SYF2: variants seen among roughly 807,000 people sequenced by gnomAD.
The protein encoded by SYF2 is pre-mRNA-splicing factor SYF2.
Under a neutral mutation model 32.7 loss-of-function variants are expected in SYF2, and 21 were observed. That is an observed-to-expected ratio of 0.64 (90% CI 0.45 to 0.92). SYF2 has a LOEUF of 0.92. Ranked by LOEUF, SYF2 falls within the 40% of genes least tolerant of loss-of-function variation. SYF2 has a pLI of 0.00. For synonymous variants in SYF2, 114 were observed against 103.9 expected, an observed-to-expected ratio of 1.10 and a Z score of -0.59; for missense variants, 278 against 296.5, an observed-to-expected ratio of 0.94 and a Z score of 0.46.
chr1:25,229,550 G>A (rs1403466326), intron 2 of SYF2, among the ~76,000 whole-genome samples: 2 of 152,130 alleles, frequency 1.3e-5, no homozygotes, highest in East Asian at 3.9e-4. Flanking sequence ...TGAGGCAGGT[G>A]GATCACCTGA....
chr1:25,229,582 C>T (rs1430794977), intron 2 of SYF2, among the ~76,000 whole-genome samples: 1 of 152,012 alleles, frequency 6.6e-6, no homozygotes, highest in Non-Finnish European at 1.5e-5. Flanking sequence ...CAAGACCAGG[C>T]TGGCCAACAT....
chr1:25,227,637 C>T, intron 4 of SYF2, 105 bp from the exon 5 acceptor site: 5 of 962,976 alleles, frequency 5.2e-6, no homozygotes, highest in Middle Eastern at 2.3e-4. Flanking sequence ...TTATCCAAAA[C>T]GCTTGGAATC....
At position 25,231,907 on chromosome 1, in the gene SYF2, A is replaced by G. The variant is rs370932885; in HGVS notation, c.132+197T>C. On this transcript the variant is annotated intron_variant, in intron 2 of 6. Transcript: ENST00000236273. ...GTGGGTGGGAGAGGGGCTGGAGTGA[A>G]CAGTTATATTTTCAAATGTTCTCAG... 6 of 664,342 alleles carry G rather than the reference A, an allele frequency of 9.0e-6. No individual in the cohort carries two copies. The East Asian group carries it at 1.4e-4, about 15-fold the overall frequency. 41.2% of individuals were successfully genotyped at this position (664,342 alleles called of 1,614,324 possible). A position where few individuals can be genotyped will look rare whatever the true frequency, so the allele number is the denominator to read the frequency against.
In SYF2 at chr1:25,222,317, A is replaced by C. The variant is rs1571485574; in HGVS notation, c.*949T>G. 6.6e-6 allele frequency among the ~76,000 whole-genome samples: 1 copy of C among 152,282 alleles called. No individual in the cohort carries two copies. ...TAATTCAACATAGAGAAAAAATAAC[A>C]ACCTTTCCCTCTGGAGTTTTATAAA... is the stretch of plus-strand genomic sequence containing the variant. On this transcript the variant is annotated 3_prime_UTR_variant, in exon 7 of 7. Transcript: ENST00000236273.
Position 25,232,431 on chromosome 1 carries a change from G to T in SYF2, c.24+13C>A, listed in dbSNP as rs1331476964. The stretch of plus-strand genomic sequence containing the variant: ...ACCAACAAAACCCCCGGTGTACGGT[G>T]GGTGGAACTCACCTCGGATGCAGCT... On this transcript the variant is annotated intron_variant, in intron 1 of 6. Transcript: ENST00000236273. The T allele has an allele frequency of 6.2e-7, 1 of 1,614,218 alleles. No individual in the cohort carries two copies. Among genetic ancestry groups the T allele is most frequent in the East Asian group, 2.2e-5 (1 of 44,888 alleles).
At chr1:25,230,729 T>C (rs1638611761) in intron 2 of SYF2, 1 of 152,098 alleles carries the variant, frequency 6.6e-6, no homozygotes, top group Admixed American at 6.6e-5. Flanking sequence ...TTCCAGGATT[T>C]GGGTTTGTAT....
chr1:25,231,799 T>C, intron 2 of SYF2: 2 of 456,362 alleles, frequency 4.4e-6, no homozygotes, highest in East Asian at 4.3e-5. Context: ...CTAGGTAAAA[T>C]GAAGAATTTG....
chr1:25,232,356 G>A, intron 1 of SYF2, 88 bp downstream of exon 1: 1 of 1,608,722 alleles, frequency 6.2e-7, no homozygotes, highest in Non-Finnish European at 8.5e-7. Flanking sequence ...TCCCTGAAGC[G>A]AAACTAGACT....
chr1:25,224,934 G>T, intron 6 of SYF2, 68 bp downstream of exon 6: 1 of 1,066,670 alleles, frequency 9.4e-7, no homozygotes. Context: ...GTCAGATATA[G>T]GTGCATATTC....
intron 4 of SYF2, 60 bp downstream of exon 4, chr1:25,228,058 A>G: frequency 1.4e-6 from 2 of 1,410,508 alleles, no homozygotes; most frequent in East Asian, 2.3e-5. Context: ...TTGAAACCAG[A>G]AACAATGAAG....
At chr1:25,226,845 G>A (rs1446922829) in intron 5 of SYF2, among the ~76,000 whole-genome samples, 2 of 152,086 alleles carry the variant, frequency 1.3e-5, no homozygotes, top group African/African-American at 4.8e-5. Flanking sequence ...GCCAGGAATC[G>A]TGGCACATGT....
rs572818483 is a variant in SYF2, at chr1:25,229,203, C to T, written c.133-80G>A. On this transcript the variant is annotated intron_variant, in intron 2 of 6. Transcript: ENST00000236273. The stretch of plus-strand genomic sequence containing the variant: ...ACACCTTGCCTTCTTTGAGGAGGGT[C>T]AGGCAGGACATATTAATAAGCTGAC... 4.7e-5 allele frequency: 71 copies of T among 1,510,794 alleles called. No individual in the cohort carries two copies. In the African/African-American group the frequency reaches 8.5e-4, roughly 18 times the overall value. 93.6% of individuals were successfully genotyped at this position (1,510,794 alleles called of 1,614,324 possible). A position where few individuals can be genotyped will look rare whatever the true frequency, so the allele number is the denominator to read the frequency against.
chr1:25,230,853 GCT>G (rs1638614255), intron 2 of SYF2: 1 of 141,732 alleles, frequency 7.1e-6, no homozygotes, highest in Admixed American at 7.3e-5. Flanking sequence ...ATGGAGTCTC[GCT>G]CTGTCGCCCA....
At chr1:25,232,011 T>C (rs749357724) in intron 2 of SYF2, 93 bp downstream of exon 2, 1 of 1,257,078 alleles carries the variant, frequency 8.0e-7, no homozygotes, top group South Asian at 1.3e-5. Context: ...TGTTGGTCTG[T>C]CAGACGCAGT....
chr1:25,224,888 T>C (rs1638474766), intron 6 of SYF2, 114 bp downstream of exon 6: 3 of 807,818 alleles, frequency 3.7e-6, no homozygotes, highest in Admixed American at 2.1e-5. Flanking sequence ...CAAGTATAAC[T>C]GTACAATTTC....
intron 6 of SYF2, 108 bp downstream of exon 6, chr1:25,224,894 A>G (rs192834561): frequency 2.3e-6 from 2 of 860,522 alleles, no homozygotes; most frequent in African/African-American, 1.7e-5. Context: ...TAACTGTACA[A>G]TTTCTATCTT....
intron 5 of SYF2, among the ~76,000 whole-genome samples, chr1:25,226,967 C>A (rs935634734): frequency 2.7e-5 from 4 of 150,380 alleles, no homozygotes; most frequent in Non-Finnish European, 4.4e-5. Flanking sequence ...AGCAACAGAG[C>A]GAGACACCGT....
intron 2 of SYF2, chr1:25,230,539 G>C (rs74060741): frequency 6.6e-6 from 1 of 151,914 alleles, no homozygotes; most frequent in Non-Finnish European, 1.5e-5. Flanking sequence ...ACTTTCCCTC[G>C]GCAAAGAGAG....
intron 1 of SYF2, 56 bp from the exon 2 acceptor site, chr1:25,232,267 C>T: frequency 6.4e-7 from 1 of 1,571,092 alleles, no homozygotes; most frequent in Non-Finnish European, 8.6e-7. Context: ...CCCAGGACTG[C>T]CCAGGCCGAG....
Sources: gnomAD v4.1 joint callset for allele counts (sites outside exome capture counted in the v4.1 genomes callset) on GRCh38, gnomAD v4.1.1 for gene constraint, MANE v1.5 for transcripts, NCBI Gene and HGNC (gene_info 2026-07-23, HGNC 2026-07-21) for gene names.